The following PHACTR1 variants were observed in gnomAD, a reference collection of about 807,000 sequenced individuals.
PHACTR1 encodes the protein phosphatase and actin regulator 1.
A neutral mutation model predicts 69.2 loss-of-function variants in PHACTR1; 16 were observed. The ratio of observed to expected loss-of-function variants is 0.23; its 90% CI spans 0.16 to 0.35. The LOEUF is 0.35. Ranked by LOEUF, PHACTR1 falls within the 10% of genes least tolerant of loss-of-function variation. The pLI, the probability that PHACTR1 is intolerant of heterozygous loss-of-function variation, is 1.00. For synonymous variants in PHACTR1, 312 were observed against 284.5 expected (o/e 1.10, Z -0.97); for missense variants, 510 against 734.7 (o/e 0.69, Z 3.54).
intron 4 of PHACTR1, among the ~76,000 whole-genome samples, chr6:13,018,033 G>A (rs1412940291): frequency 6.6e-6 from 1 of 152,048 alleles, no homozygotes; most frequent in Non-Finnish European, 1.5e-5. Flanking sequence ...GTTTTCCCAA[G>A]TTTTGTTTTA....
chr6:12,875,143 C>T (rs1740678843), intron 4 of PHACTR1, among the ~76,000 whole-genome samples: 1 of 152,208 alleles, frequency 6.6e-6, no homozygotes, highest in South Asian at 2.1e-4. Flanking sequence ...CATGAATTAA[C>T]ACCAAATGAC....
At chr6:12,881,100 T>C (rs1783051573) in intron 4 of PHACTR1, among the ~76,000 whole-genome samples, 1 of 152,312 alleles carries the variant, frequency 6.6e-6, no homozygotes, top group Non-Finnish European at 1.5e-5. Flanking sequence ...TAGCGTAAGT[T>C]TGCAACAAAT....
chr6:12,731,156 C>T (rs2127571920), intron 3 of PHACTR1, among the ~76,000 whole-genome samples: 1 of 152,004 alleles, frequency 6.6e-6, no homozygotes, highest in South Asian at 2.1e-4. Flanking sequence ...GCTGGGATTA[C>T]AGGTGCCCGC....
At chr6:13,143,872 T>G (rs1406277852) in intron 5 of PHACTR1, among the ~76,000 whole-genome samples, 2 of 152,096 alleles carry the variant, frequency 1.3e-5, no homozygotes, top group South Asian at 2.1e-4. Context: ...CAGTTAAAGT[T>G]GGATTGGTCC....
chr6:12,737,483 G>A (rs1057364175), intron 3 of PHACTR1, among the ~76,000 whole-genome samples: 4 of 151,590 alleles, frequency 2.6e-5, no homozygotes, highest in African/African-American at 9.7e-5. Flanking sequence ...TTGCGTGTGT[G>A]TATTTTTATA....
intron 5 of PHACTR1, among the ~76,000 whole-genome samples, chr6:13,144,085 A>C (rs1191471324): frequency 6.6e-6 from 1 of 152,212 alleles, no homozygotes; most frequent in Non-Finnish European, 1.5e-5. Context: ...AAAACTAAGA[A>C]GAAAACTCAC....
intron 4 of PHACTR1, among the ~76,000 whole-genome samples, chr6:12,877,507 C>T (rs967105837): frequency 3.6e-4 from 55 of 152,200 alleles, no homozygotes; most frequent in African/African-American, 1.3e-3. Context: ...TACTGTATAC[C>T]GGAGCATCCA....
chr6:13,080,477 G>A (rs142245638), intron 5 of PHACTR1, among the ~76,000 whole-genome samples: 285 of 152,264 alleles, frequency 1.9e-3, no homozygotes, highest in Non-Finnish European at 3.1e-3. Flanking sequence ...TAAACCAATG[G>A]TGCATGTGAT....
At position 12,717,490 on chromosome 6, in the gene PHACTR1, T is replaced by TGTA. The variant is rs1761538525; in HGVS notation, c.-281-19_-281-18insGTA. 6.6e-6 allele frequency: 1 copy of TGTA among 152,094 alleles called. No homozygotes were observed. The allele number at this position is 152,094 out of a possible 1,614,324, so 9.4% of individuals were successfully genotyped here. ...GCCAAAGTTTTACACGGGAAACTGG[T>TGTA]AATTTTCTCCCTTCGCAGGGGAGGG... On this transcript the variant is annotated intron_variant, in intron 1 of 14. Coordinates refer to ENST00000332995, the MANE Select transcript of PHACTR1 (RefSeq NM_030948.6).
chr6:13,164,481 G>A (rs1350946358), intron 6 of PHACTR1, among the ~76,000 whole-genome samples: 2 of 152,112 alleles, frequency 1.3e-5, no homozygotes, highest in South Asian at 4.1e-4. Context: ...GACAGCTGCC[G>A]CATTGATTTG....
At chr6:13,177,396 C>T (rs1554146824) in intron 6 of PHACTR1, among the ~76,000 whole-genome samples, 1 of 144,922 alleles carries the variant, frequency 6.9e-6, no homozygotes. Context: ...TATATATACA[C>T]ACACACACAG....
chr6:13,276,617 C>T (rs552851340), intron 11 of PHACTR1, among the ~76,000 whole-genome samples: 2 of 152,032 alleles, frequency 1.3e-5, no homozygotes, highest in East Asian at 1.9e-4. Context: ...ACTAAAAATA[C>T]AAAAATTAGC....
chr6:12,781,616 C>T (rs1834350825), intron 4 of PHACTR1, among the ~76,000 whole-genome samples: 1 of 152,180 alleles, frequency 6.6e-6, no homozygotes, highest in South Asian at 2.1e-4. Context: ...AATGAAAAGC[C>T]TAGCCACAGG....
At chr6:12,773,573 A>G (rs1352218598) in intron 4 of PHACTR1, among the ~76,000 whole-genome samples, 1 of 152,182 alleles carries the variant, frequency 6.6e-6, no homozygotes, top group East Asian at 1.9e-4. Context: ...CAATAATCAT[A>G]TGTAATAGAA....
chr6:12,788,663 A>G (rs570506008), intron 4 of PHACTR1, among the ~76,000 whole-genome samples: 29 of 152,338 alleles, frequency 1.9e-4, no homozygotes, highest in African/African-American at 6.7e-4. Flanking sequence ...TGACAGAGAA[A>G]AGTGGCCAAG....
In PHACTR1 at chr6:12,842,852, G is replaced by GT. The variant is rs1269233526; in HGVS notation, c.250+93069dup. Among the ~76,000 whole-genome samples, 10 of 152,022 alleles carry GT rather than the reference G, an allele frequency of 6.6e-5. No homozygotes were observed. The South Asian group carries it at 2.1e-3, about 32-fold the overall frequency. ...GAGCTACCACACCCGGCCTAAAGGT[G>GT]TTTTTTTCTAAATCTTGCAAAATCA... is the stretch of plus-strand genomic sequence containing the variant. On this transcript the variant is annotated intron_variant, in intron 4 of 14. Coordinates refer to ENST00000332995, the MANE Select transcript of PHACTR1 (RefSeq NM_030948.6).
chr6:12,837,884 C>T (rs1778311981), intron 4 of PHACTR1, among the ~76,000 whole-genome samples: 1 of 152,250 alleles, frequency 6.6e-6, no homozygotes, highest in Non-Finnish European at 1.5e-5. Context: ...TATCACCTCA[C>T]AGGCTTAGCT....
At chr6:13,194,540 CAGTT>C (rs1268517272) in intron 7 of PHACTR1, among the ~76,000 whole-genome samples, 1 of 151,226 alleles carries the variant, frequency 6.6e-6, no homozygotes, top group Non-Finnish European at 1.5e-5. Context: ...CTAAGTGACT[CAGTT>C]AGCTGGAGAG....
intron 10 of PHACTR1, among the ~76,000 whole-genome samples, chr6:13,233,187 C>G (rs770867503): frequency 1.3e-5 from 2 of 152,206 alleles, no homozygotes; most frequent in Non-Finnish European, 2.9e-5. Flanking sequence ...GAATACATAT[C>G]CACAAGCCAC....
Sources: gnomAD v4.1 joint callset for allele counts (sites outside exome capture counted in the v4.1 genomes callset) on GRCh38, gnomAD v4.1.1 for gene constraint, MANE v1.5 for transcripts, NCBI Gene and HGNC (gene_info 2026-07-23, HGNC 2026-07-21) for gene names.